GABBR2: variants seen among roughly 807,000 people sequenced by gnomAD.
GABBR2 encodes G-protein coupled receptor 51.
A neutral mutation model predicts 105.6 loss-of-function variants in GABBR2; 23 were observed. That is an observed-to-expected ratio of 0.22 (90% CI 0.16 to 0.31). The LOEUF (loss-of-function observed/expected upper bound fraction) is 0.31, where lower values mean the gene tolerates loss of function less well. Among genes scored for constraint, GABBR2 ranks in the 10% least tolerant of loss-of-function variants. The pLI is 1.00. For missense variants in GABBR2, 734 were observed against 1,245.5 expected (o/e 0.59, Z 6.18); for synonymous variants, 478 against 499.7 (o/e 0.96, Z 0.58).
chr9:98,303,431 G>T lies in GABBR2; in HGVS notation c.2230-8C>A. On this transcript the variant is annotated splice_polypyrimidine_tract_variant and splice_region_variant and intron_variant, in intron 15 of 18. Coordinates refer to ENST00000259455, the MANE Select transcript of GABBR2 (RefSeq NM_005458.8). ...TGTTCTCAGGGTGATGAGCTGAAAG[G>T]ACAAAGGTTGGGGCGGGGTTGAAGA... is the stretch of plus-strand genomic sequence containing the variant. The T allele has an allele frequency of 6.2e-7, 1 of 1,613,344 alleles. No individual in the cohort carries two copies. Among genetic ancestry groups the T allele is most frequent in the Non-Finnish European group, 8.5e-7 (1 of 1,179,468 alleles).
chr9:98,406,299 A>G (rs577112133), intron 7 of GABBR2, among the ~76,000 whole-genome samples, 158 bp from the exon 8 acceptor site: 1 of 152,380 alleles, frequency 6.6e-6, no homozygotes, highest in South Asian at 2.1e-4. Flanking sequence ...AAATCAAACT[A>G]ATTGTTTTTA....
intron 1 of GABBR2, among the ~76,000 whole-genome samples, chr9:98,631,781 T>C (rs1380691482): frequency 6.6e-6 from 1 of 152,228 alleles, no homozygotes; most frequent in Non-Finnish European, 1.5e-5. Context: ...TTGAATCTAA[T>C]TCAAGAAAAA....
chr9:98,371,590 C>T lies in GABBR2; in HGVS notation c.1663-19G>A. The T allele has an allele frequency of 1.4e-6, 2 of 1,392,686 alleles. No homozygotes were observed. The highest frequency in any genetic ancestry group is 2.0e-6 in the Non-Finnish European group (2 of 977,792). The allele number at this position is 1,392,686 out of a possible 1,614,324, so 86.3% of individuals were successfully genotyped here. On this transcript the variant is annotated intron_variant, in intron 11 of 18. Coordinates refer to ENST00000259455, the MANE Select transcript of GABBR2 (RefSeq NM_005458.8). The stretch of plus-strand genomic sequence containing the variant: ...TCCTGACCTAGAGGCCATGAGAAAA[C>T]AGAGGCATTGACCTTCCTTAGGTAG...
chr9:98,385,885 G>C, intron 10 of GABBR2, 113 bp from the exon 11 acceptor site: 1 of 817,740 alleles, frequency 1.2e-6, no homozygotes, highest in Non-Finnish European at 2.0e-6. Flanking sequence ...CTAGAGGGGA[G>C]AGAGAGAAAC....
chr9:98,350,621 TAA>T (rs34764940), intron 13 of GABBR2, among the ~76,000 whole-genome samples: 2 of 152,012 alleles, frequency 1.3e-5, no homozygotes, highest in East Asian at 3.9e-4. Flanking sequence ...GATTTCGATG[TAA>T]AAAAAATTTG....
chr9:98,390,705 T>C (rs573886299), intron 9 of GABBR2, among the ~76,000 whole-genome samples: 4 of 152,224 alleles, frequency 2.6e-5, no homozygotes, highest in African/African-American at 9.6e-5. Flanking sequence ...TCAGGTGCCT[T>C]CTGGCTACCA....
At chr9:98,501,152 C>T (rs1827392367) in intron 3 of GABBR2, among the ~76,000 whole-genome samples, 2 of 123,782 alleles carry the variant, frequency 1.6e-5, no homozygotes, top group South Asian at 2.9e-4. Context: ...GCCCCCTGCT[C>T]CTTTTTTTTT....
intron 13 of GABBR2, among the ~76,000 whole-genome samples, chr9:98,314,036 G>T (rs761318195): frequency 2.0e-5 from 3 of 152,302 alleles, no homozygotes; most frequent in Non-Finnish European, 4.4e-5. Flanking sequence ...GCCACAGAAA[G>T]CCTTAGCTCA....
chr9:98,291,421 A>T (rs1409131275), intron 18 of GABBR2, among the ~76,000 whole-genome samples: 1 of 152,160 alleles, frequency 6.6e-6, no homozygotes, highest in South Asian at 2.1e-4. Context: ...AAACCTCCAC[A>T]GGGCTTTCAG....
intron 3 of GABBR2, among the ~76,000 whole-genome samples, chr9:98,525,150 A>G (rs556559047): frequency 7.4e-4 from 113 of 152,320 alleles, no homozygotes; most frequent in Non-Finnish European, 1.5e-3. Flanking sequence ...GCAAAAGAAA[A>G]AAAGATAGAT....
chr9:98,453,637 G>A (rs10986322), intron 7 of GABBR2, among the ~76,000 whole-genome samples: 23,075 of 152,232 alleles, frequency 0.15, 3,402 homozygotes, highest in African/African-American at 0.38. Context: ...GCCAGGTACT[G>A]TGCCAGGGAG....
intron 1 of GABBR2, among the ~76,000 whole-genome samples, chr9:98,622,003 C>CA (rs1004284930): frequency 4.0e-5 from 6 of 151,494 alleles, no homozygotes; most frequent in Admixed American, 6.6e-5. Context: ...GTCTTGCCAC[C>CA]AAAAAAAATG....
At chr9:98,658,632 C>A (rs184734794) in intron 1 of GABBR2, among the ~76,000 whole-genome samples, 36 of 152,300 alleles carry the variant, frequency 2.4e-4, no homozygotes, top group African/African-American at 8.4e-4. Flanking sequence ...GCGGGTTCTT[C>A]CAAGGAACCA....
At chr9:98,464,936 C>T (rs1432903034) in intron 6 of GABBR2, among the ~76,000 whole-genome samples, 8 of 151,802 alleles carry the variant, frequency 5.3e-5, no homozygotes, top group African/African-American at 1.5e-4. Context: ...CGTTAAGAGT[C>T]ATCACCACTC....
At position 98,327,534 on chromosome 9, in the gene GABBR2, A is replaced by G. The variant is rs1830944323; in HGVS notation, c.1894-16329T>C. Among the ~76,000 whole-genome samples, 4 of 152,276 alleles carry G rather than the reference A, an allele frequency of 2.6e-5. No homozygotes were observed. The South Asian group carries it at 8.3e-4, about 32-fold the overall frequency. Reference sequence around the variant, plus strand: ...ATAGCCAAAGAAGTTTTGGAAATGCAAATTTAAACATTTTTAACAAATAAA... The same window carrying G: ...ATAGCCAAAGAAGTTTTGGAAATGCGAATTTAAACATTTTTAACAAATAAA... On this transcript the variant is annotated intron_variant, in intron 13 of 18. Coordinates refer to ENST00000259455, the MANE Select transcript of GABBR2 (RefSeq NM_005458.8).
In GABBR2 at chr9:98,360,121, G is replaced by A. The variant is rs545276271; in HGVS notation, c.1893+2594C>T. On this transcript the variant is annotated intron_variant, in intron 13 of 18. Transcript: ENST00000259455. ...GTCTGAAGTAGGTAAGTGGGAGGGAGGGATGGGCCACAAAGGTCTTTCATC... is the reference window on the plus strand; with the variant it reads ...GTCTGAAGTAGGTAAGTGGGAGGGAAGGATGGGCCACAAAGGTCTTTCATC... Among the ~76,000 whole-genome samples, 24 of 152,296 alleles carry A rather than the reference G, an allele frequency of 1.6e-4. 1 individual carries two copies. The highest frequency in any genetic ancestry group is 5.8e-4 in the African/African-American group (24 of 41,562).
At chr9:98,525,768 G>A (rs775338474) in intron 3 of GABBR2, among the ~76,000 whole-genome samples, 114 of 152,154 alleles carry the variant, frequency 7.5e-4, no homozygotes, top group Non-Finnish European at 1.3e-3. Context: ...CAACTGAAAT[G>A]TCCATCAACT....
chr9:98,644,275 G>T (rs1407028110), intron 1 of GABBR2, among the ~76,000 whole-genome samples: 1 of 152,356 alleles, frequency 6.6e-6, no homozygotes, highest in East Asian at 1.9e-4. Context: ...CTCCAAAGCA[G>T]ATGTGGTGGA....
intron 1 of GABBR2, among the ~76,000 whole-genome samples, chr9:98,629,833 C>T (rs570167119): frequency 7.2e-5 from 11 of 152,248 alleles, no homozygotes; most frequent in African/African-American, 2.4e-4. Context: ...TGCATTATGA[C>T]GATCCAGATA....
Sources: gnomAD v4.1 joint callset for allele counts (sites outside exome capture counted in the v4.1 genomes callset) on GRCh38, gnomAD v4.1.1 for gene constraint, MANE v1.5 for transcripts, NCBI Gene and HGNC (gene_info 2026-07-23, HGNC 2026-07-21) for gene names.